The following ARHGEF38 variants were observed in gnomAD, a reference collection of about 807,000 sequenced individuals.
ARHGEF38 encodes the protein Rho guanine nucleotide exchange factor 38, also known as Rho guanine nucleotide exchange factor (GEF) 38.
ARHGEF38 carries 79 observed loss-of-function variants against 79.9 expected under a neutral mutation model. That is an observed-to-expected ratio of 0.99 (90% CI 0.82 to 1.19). The LOEUF (loss-of-function observed/expected upper bound fraction) is 1.19, where lower values mean the gene tolerates loss of function less well. Ranked by LOEUF, ARHGEF38 falls within the 50% of genes most tolerant of loss-of-function variation. The pLI is 0.00. For missense variants in ARHGEF38, 962 were observed against 907.2 expected (o/e 1.06, Z -0.78); for synonymous variants, 366 against 328.3 (o/e 1.11, Z -1.24).
At chr4:105,618,107 ATGT>A (rs1468736423) in intron 3 of ARHGEF38, among the ~76,000 whole-genome samples, 8 of 152,222 alleles carry the variant, frequency 5.3e-5, no homozygotes. Context: ...TTGTTTTAAT[ATGT>A]ATAGTAATGA....
intron 1 of ARHGEF38, among the ~76,000 whole-genome samples, chr4:105,586,117 C>T (rs549225161): frequency 1.3e-5 from 2 of 151,832 alleles, no homozygotes; most frequent in East Asian, 1.9e-4. Flanking sequence ...TGTTGAGTTC[C>T]AAATACTTTT....
intron 13 of ARHGEF38, among the ~76,000 whole-genome samples, chr4:105,669,793 C>T (rs1730897786): frequency 6.6e-6 from 1 of 152,076 alleles, no homozygotes; most frequent in African/African-American, 2.4e-5. Context: ...TTTGTAGTCC[C>T]TCCTCTTTCC....
At chr4:105,586,055 A>C (rs1727031026) in intron 1 of ARHGEF38, among the ~76,000 whole-genome samples, 1 of 152,164 alleles carries the variant, frequency 6.6e-6, no homozygotes, top group South Asian at 2.1e-4. Flanking sequence ...ATCCAGAAAT[A>C]AAAGACGGGC....
chr4:105,677,835 G>A lies in ARHGEF38; in HGVS notation c.2232G>A (p.Arg744=), dbSNP rs1445101395. 1 of 1,535,526 alleles carries A rather than the reference G, an allele frequency of 6.5e-7. No individual in the cohort carries two copies. The highest frequency in any genetic ancestry group is 2.4e-5 in the East Asian group (1 of 40,894). Residue 744 remains arginine (R), a synonymous_variant, in exon 14 of 14, where the codon AGG becomes AGA. Coordinates refer to ENST00000420470, the MANE Select transcript of ARHGEF38 (RefSeq NM_001242729.2). ...LQEYQRVHIL[R]FCDLSGNKEW... ...AATACCAGAGAGTTCATATACTCAG[G>A]TTTTGTGACCTAAGTGGCAATAAAG...
chr4:105,648,982 G>A (rs1044603189), intron 7 of ARHGEF38, among the ~76,000 whole-genome samples: 63 of 152,142 alleles, frequency 4.1e-4, no homozygotes, highest in African/African-American at 1.4e-3. Flanking sequence ...GGTTGCCCCA[G>A]GAGTCCTGAT....
chr4:105,561,449 GGAA>G (rs1725566150), intron 1 of ARHGEF38: 1 of 45,634 alleles, frequency 2.2e-5, no homozygotes, highest in Non-Finnish European at 4.2e-5. Context: ...AGAATAGAAT[GGAA>G]TAGAATAGAA....
chr4:105,656,983 G>T (rs577133448), intron 9 of ARHGEF38, among the ~76,000 whole-genome samples: 1 of 152,106 alleles, frequency 6.6e-6, no homozygotes, highest in Non-Finnish European at 1.5e-5. Flanking sequence ...TGGATGGATG[G>T]ATAGGTACAG....
rs1171725603 is a variant in ARHGEF38, at chr4:105,588,276, A to G, written c.197-972A>G. 2.6e-5 allele frequency among the ~76,000 whole-genome samples: 4 copies of G among 152,356 alleles called. No homozygotes were observed. The South Asian group carries it at 6.2e-4, about 24-fold the overall frequency. On this transcript the variant is annotated intron_variant, in intron 1 of 13. Coordinates refer to ENST00000420470, the MANE Select transcript of ARHGEF38 (RefSeq NM_001242729.2). ...TGTGTCAACATTGAAGATGTCTCAT[A>G]TACCAGTTACTAGAATCATGTTAAC...
intron 1 of ARHGEF38, among the ~76,000 whole-genome samples, chr4:105,573,084 T>G (rs1169768658): frequency 6.6e-6 from 1 of 152,172 alleles, no homozygotes; most frequent in African/African-American, 2.4e-5. Flanking sequence ...TTATTCAGGT[T>G]GTTTATTTTG....
intron 2 of ARHGEF38, among the ~76,000 whole-genome samples, chr4:105,604,575 A>G (rs1009782657): frequency 6.6e-6 from 1 of 152,064 alleles, no homozygotes; most frequent in Non-Finnish European, 1.5e-5. Context: ...GAACTTTGTA[A>G]TTGTGTCATT....
chr4:105,555,602 C>T (rs1300980200), intron 1 of ARHGEF38, among the ~76,000 whole-genome samples: 1 of 152,152 alleles, frequency 6.6e-6, no homozygotes, highest in African/African-American at 2.4e-5. Context: ...TTAGAGCCCT[C>T]AGATAGATGG....
chr4:105,599,025 C>T (rs991394681), intron 2 of ARHGEF38, among the ~76,000 whole-genome samples: 1 of 152,140 alleles, frequency 6.6e-6, no homozygotes, highest in Non-Finnish European at 1.5e-5. Context: ...CCTGGAGGGA[C>T]GTTTCTGTTT....
chr4:105,648,820 C>T (rs1394661041), intron 7 of ARHGEF38, 138 bp downstream of exon 7: 7 of 184,402 alleles, frequency 3.8e-5, no homozygotes, highest in Non-Finnish European at 5.2e-5. Context: ...TCTTGTCTCC[C>T]TCTCTCTCTC....
At chr4:105,602,349 G>A (rs1727860468) in intron 2 of ARHGEF38, among the ~76,000 whole-genome samples, 1 of 152,110 alleles carries the variant, frequency 6.6e-6, no homozygotes, top group Admixed American at 6.6e-5. Context: ...CAACTGGGAA[G>A]AAACAAATGT....
intron 2 of ARHGEF38, among the ~76,000 whole-genome samples, chr4:105,612,651 G>A (rs890444517): frequency 6.6e-6 from 1 of 152,080 alleles, no homozygotes; most frequent in African/African-American, 2.4e-5. Flanking sequence ...TATTCAGACA[G>A]CTGAGGATAG....
At chr4:105,553,558 A>T (rs935548880) in intron 1 of ARHGEF38, among the ~76,000 whole-genome samples, 2 of 152,348 alleles carry the variant, frequency 1.3e-5, no homozygotes, top group East Asian at 3.9e-4. Context: ...AATGTTTAGC[A>T]TGCTTATTTT....
At chr4:105,663,426 T>C (rs775947233) in intron 10 of ARHGEF38, among the ~76,000 whole-genome samples, 2 of 152,168 alleles carry the variant, frequency 1.3e-5, no homozygotes, top group Non-Finnish European at 2.9e-5. Context: ...ATTTTCATCT[T>C]GCAAAACTGA....
intron 13 of ARHGEF38, among the ~76,000 whole-genome samples, chr4:105,677,092 T>C (rs188880300): frequency 0.031 from 4,677 of 152,006 alleles, 112 homozygotes; most frequent in Middle Eastern, 0.062. Flanking sequence ...GCCTCCTGAG[T>C]AGCTGGGATT....
At position 105,680,004 on chromosome 4, in the gene ARHGEF38, G is replaced by T; in HGVS notation, c.*2067G>T. 9.2e-7 allele frequency: 1 copy of T among 1,091,160 alleles called. No individual in the cohort carries two copies. Among genetic ancestry groups the T allele is most frequent in the Non-Finnish European group, 1.4e-6 (1 of 708,252 alleles). The allele number at this position is 1,091,160 out of a possible 1,614,324, so 67.6% of individuals were successfully genotyped here. On this transcript the variant is annotated 3_prime_UTR_variant, in exon 14 of 14. Coordinates refer to ENST00000420470, the MANE Select transcript of ARHGEF38 (RefSeq NM_001242729.2). ...GTAAACACAGTGCATTCTGTTTTGT[G>T]CGGATTCATGGCCATGTCAGTTACA...
Sources: gnomAD v4.1 joint callset for allele counts (sites outside exome capture counted in the v4.1 genomes callset) on GRCh38, gnomAD v4.1.1 for gene constraint, MANE v1.5 for transcripts, NCBI Gene and HGNC (gene_info 2026-07-23, HGNC 2026-07-21) for gene names.